DAPK1: variants seen among roughly 807,000 people sequenced by gnomAD.
DAPK1 encodes death-associated protein kinase 1.
In DAPK1, 56 loss-of-function variants were observed where a neutral mutation model predicts 144.9. That is an observed-to-expected ratio of 0.39 (90% CI 0.31 to 0.48). The LOEUF (loss-of-function observed/expected upper bound fraction) is 0.48, where lower values mean the gene tolerates loss of function less well. Ranked by LOEUF, DAPK1 falls within the 20% of genes least tolerant of loss-of-function variation. The pLI is 0.95. For missense variants in DAPK1, 1,454 were observed against 1,875.4 expected (o/e 0.78, Z 4.15); for synonymous variants, 690 against 749.0 (o/e 0.92, Z 1.29).
At position 87,708,221 on chromosome 9, in the gene DAPK1, T is replaced by G; in HGVS notation, c.*857T>G. 4.8e-6 allele frequency: 1 copy of G among 207,476 alleles called. No individual in the cohort carries two copies. The highest frequency in any genetic ancestry group is 1.4e-4 in the East Asian group (1 of 7,402). 12.9% of individuals were successfully genotyped at this position (207,476 alleles called of 1,614,324 possible). On this transcript the variant is annotated 3_prime_UTR_variant, in exon 26 of 26. Coordinates refer to ENST00000408954, the MANE Select transcript of DAPK1 (RefSeq NM_004938.4). ...CTTCATCATTCCCTCTCATCTCAGGTAGAAGGTTGACACAGTTGTAGGGTT... is the reference window on the plus strand; with the variant it reads ...CTTCATCATTCCCTCTCATCTCAGGGAGAAGGTTGACACAGTTGTAGGGTT...
chr9:87,581,264 C>A (rs1587737702), intron 2 of DAPK1, among the ~76,000 whole-genome samples: 1 of 152,062 alleles, frequency 6.6e-6, no homozygotes, highest in East Asian at 1.9e-4. Context: ...TTCATTTTCC[C>A]TTCTGAGGGG....
chr9:87,577,552 C>G (rs150016472), intron 2 of DAPK1, among the ~76,000 whole-genome samples: 1 of 152,152 alleles, frequency 6.6e-6, no homozygotes, highest in South Asian at 2.1e-4. Flanking sequence ...AATCCCAGCA[C>G]TTTGGGAGGC....
chr9:87,651,763 T>C lies in DAPK1; in HGVS notation c.1824+39T>C, dbSNP rs372651160. The C allele has an allele frequency of 7.4e-4, 1,171 of 1,580,494 alleles. 4 individuals carry two copies. The highest frequency in any genetic ancestry group is 5.8e-3 in the Middle Eastern group (35 of 5,988). On this transcript the variant is annotated intron_variant, in intron 17 of 25. Transcript: ENST00000408954. ...ACAGGATCCCTACAGCTTCCAACTGTGTCCATCCACCCGATTCTGGGTCCT... is the reference window on the plus strand; with the variant it reads ...ACAGGATCCCTACAGCTTCCAACTGCGTCCATCCACCCGATTCTGGGTCCT...
intron 21 of DAPK1, among the ~76,000 whole-genome samples, chr9:87,695,634 T>G (rs1825230976): frequency 1.3e-5 from 2 of 152,036 alleles, no homozygotes; most frequent in Admixed American, 6.5e-5. Context: ...GGACCCCACC[T>G]CCTCCCAGAT....
chr9:87,517,808 C>T lies in DAPK1; in HGVS notation c.62+18669C>T, dbSNP rs1325145028. On this transcript the variant is annotated intron_variant, in intron 2 of 25. Transcript: ENST00000408954. ...ATAAAATGGCTGTTTCCTTTCCATC[C>T]CATTGATGATTTTCCCCAAATCTAT... is the stretch of plus-strand genomic sequence containing the variant. Among the ~76,000 whole-genome samples, 5 of 152,110 alleles carry T rather than the reference C, an allele frequency of 3.3e-5. No individual in the cohort carries two copies. In the South Asian group the frequency reaches 1.0e-3, roughly 32 times the overall value.
Position 87,525,469 on chromosome 9 carries a change from G to A in DAPK1, c.62+26330G>A. Reference sequence around the variant, plus strand: ...CGAAGGATATCGGTTTCATTAAGTTGGACTAAATGATCTTCCTTCAAAGGA... The same window carrying A: ...CGAAGGATATCGGTTTCATTAAGTTAGACTAAATGATCTTCCTTCAAAGGA... On this transcript the variant is annotated intron_variant, in intron 2 of 25. Coordinates refer to ENST00000408954, the MANE Select transcript of DAPK1 (RefSeq NM_004938.4). 6 of 1,551,134 alleles carry A rather than the reference G, an allele frequency of 3.9e-6. No individual in the cohort carries two copies. The South Asian group carries it at 6.7e-5, about 17-fold the overall frequency.
chr9:87,568,954 G>C (rs1248960556), intron 2 of DAPK1, among the ~76,000 whole-genome samples: 2 of 152,222 alleles, frequency 1.3e-5, no homozygotes, highest in African/African-American at 4.8e-5. Flanking sequence ...GAGGAATACA[G>C]AATCCAGCTA....
At position 87,662,211 on chromosome 9, in the gene DAPK1, T is replaced by G. The variant is rs184895387; in HGVS notation, c.1923+4084T>G. 2.0e-5 allele frequency among the ~76,000 whole-genome samples: 3 copies of G among 152,346 alleles called. No individual in the cohort carries two copies. The East Asian group carries it at 5.8e-4, about 29-fold the overall frequency. Reference sequence around the variant, plus strand: ...GTTTTTATGTGGGTACCATGCTGTTTTGGTTGCTATAGCCATCTAGTGTAA... The same window carrying G: ...GTTTTTATGTGGGTACCATGCTGTTGTGGTTGCTATAGCCATCTAGTGTAA... On this transcript the variant is annotated intron_variant, in intron 18 of 25. Coordinates refer to ENST00000408954, the MANE Select transcript of DAPK1 (RefSeq NM_004938.4).
At chr9:87,667,888 G>T in intron 18 of DAPK1, 1 of 152,182 alleles carries the variant, frequency 6.6e-6, no homozygotes, top group Non-Finnish European at 1.5e-5. Context: ...ACTGAGGCTT[G>T]CAGAGAGCAC....
chr9:87,498,728 A>G, intron 1 of DAPK1: 1 of 430,588 alleles, frequency 2.3e-6, no homozygotes, highest in Non-Finnish European at 4.1e-6. Flanking sequence ...CAGACCGCCC[A>G]GCGTTTGGGG....
At position 87,646,544 on chromosome 9, in the gene DAPK1, C is replaced by G; in HGVS notation, c.1215C>G (p.Ile405Met). Residue 405 changes from isoleucine to methionine, a missense_variant, in exon 13 of 26, where the codon ATC (isoleucine) becomes ATG (methionine). Physicochemically the swap from Ile to Met is conservative, Grantham distance 10. Around this residue, in one of 2 missense-constraint regions of DAPK1, gnomAD observed 429 missense variants for 637.5 expected, o/e 0.67. Transcript: ENST00000408954. ...TGCTCATTAAAAGAGGCTCGAGAATCGATGTCCAGGATAAGGTCATAATTG... is the reference window on the plus strand; with the variant it reads ...TGCTCATTAAAAGAGGCTCGAGAATGGATGTCCAGGATAAGGTCATAATTG... ...LQLLIKRGSR[I>M]DVQDKGGSNA... 5 of 1,610,130 alleles carry G rather than the reference C, an allele frequency of 3.1e-6. No individual in the cohort carries two copies. Among genetic ancestry groups the G allele is most frequent in the Non-Finnish European group, 4.3e-6 (5 of 1,176,434 alleles).
intron 3 of DAPK1, among the ~76,000 whole-genome samples, chr9:87,629,701 G>A (rs1587787146): frequency 6.6e-6 from 1 of 152,176 alleles, no homozygotes; most frequent in East Asian, 1.9e-4. Flanking sequence ...ATACATTTAG[G>A]ATCAAATAAA....
intron 2 of DAPK1, among the ~76,000 whole-genome samples, chr9:87,584,545 G>A (rs963588547): frequency 6.6e-6 from 1 of 152,066 alleles, no homozygotes; most frequent in Admixed American, 6.5e-5. Context: ...TTCCATTATG[G>A]CTGTGCTAAT....
intron 3 of DAPK1, among the ~76,000 whole-genome samples, chr9:87,637,211 A>T (rs751566674): frequency 3.9e-5 from 6 of 152,042 alleles, no homozygotes; most frequent in Non-Finnish European, 8.8e-5. Flanking sequence ...CTCCTGCCTC[A>T]GTCTCCCGAG....
chr9:87,549,109 G>T (rs1221816769), intron 2 of DAPK1, among the ~76,000 whole-genome samples: 4 of 151,870 alleles, frequency 2.6e-5, no homozygotes, highest in Non-Finnish European at 4.4e-5. Flanking sequence ...ATCCCCCACA[G>T]GCTTCAGTGT....
At chr9:87,627,907 A>G (rs1228357208) in intron 3 of DAPK1, among the ~76,000 whole-genome samples, 1 of 152,202 alleles carries the variant, frequency 6.6e-6, no homozygotes, top group Admixed American at 6.5e-5. Flanking sequence ...TATCCTAGCC[A>G]TGTTCTCTTC....
At chr9:87,541,504 G>C (rs1249309551) in intron 2 of DAPK1, among the ~76,000 whole-genome samples, 1 of 150,852 alleles carries the variant, frequency 6.6e-6, no homozygotes, top group Admixed American at 6.6e-5. Flanking sequence ...AGTGGAGATG[G>C]TGCCATTCCA....
intron 19 of DAPK1, among the ~76,000 whole-genome samples, chr9:87,680,697 T>C (rs543812171): frequency 5.3e-5 from 8 of 151,920 alleles, no homozygotes; most frequent in Non-Finnish European, 1.2e-4. Context: ...AGTTGCTCCA[T>C]CCAACTTGTC....
intron 2 of DAPK1, among the ~76,000 whole-genome samples, chr9:87,571,476 A>ACACACACCCCCCC (rs771023885): frequency 2.1e-5 from 1 of 48,548 alleles, no homozygotes; most frequent in Non-Finnish European, 3.7e-5. Context: ...CACACACACC[A>ACACACACCCCCCC]ACACACACAC....
Sources: gnomAD v4.1 joint callset for allele counts (sites outside exome capture counted in the v4.1 genomes callset) on GRCh38, gnomAD v4.1.1 for gene constraint, gnomAD v4.1.1 regional missense constraint, MANE v1.5 for transcripts, NCBI Gene and HGNC (gene_info 2026-07-23, HGNC 2026-07-21) for gene names.